The following CRTC3 variants were observed in gnomAD, a reference collection of about 807,000 sequenced individuals.
The protein encoded by CRTC3 is CREB-regulated transcription coactivator 3.
In CRTC3, 26 loss-of-function variants were observed where a neutral mutation model predicts 74.5. The observed-to-expected ratio is 0.35, with a 90% CI of 0.26 to 0.48. CRTC3 has a LOEUF of 0.48. Among genes scored for constraint, CRTC3 ranks in the 20% least tolerant of loss-of-function variants. The pLI is 0.99. For missense variants in CRTC3, 760 were observed against 787.3 expected, an observed-to-expected ratio of 0.97 and a Z score of 0.41; for synonymous variants, 377 against 325.8, an observed-to-expected ratio of 1.16 and a Z score of -1.69.
At chr15:90,606,320 G>C (rs1345467134) in intron 5 of CRTC3, among the ~76,000 whole-genome samples, 1 of 152,068 alleles carries the variant, frequency 6.6e-6, no homozygotes, top group African/African-American at 2.4e-5. Flanking sequence ...CCAGCACTTT[G>C]GGAGGCTGAG....
intron 5 of CRTC3, among the ~76,000 whole-genome samples, chr15:90,606,431 G>C (rs576402722): frequency 3.3e-5 from 5 of 151,900 alleles, no homozygotes; most frequent in African/African-American, 1.2e-4. Context: ...GCATGGTGAC[G>C]CACGTCTATA....
At chr15:90,589,751 C>T (rs1967756045) in intron 2 of CRTC3, among the ~76,000 whole-genome samples, 1 of 152,204 alleles carries the variant, frequency 6.6e-6, no homozygotes, top group Non-Finnish European at 1.5e-5. Flanking sequence ...CTTTGGGAGG[C>T]CGAGGCATGT....
rs1353749989 is a variant in CRTC3, at chr15:90,614,589, C to G, written c.613+101C>G. 3.7e-6 allele frequency: 3 copies of G among 818,218 alleles called. No individual in the cohort carries two copies. The East Asian group carries it at 7.8e-5, about 21-fold the overall frequency. 50.7% of individuals were successfully genotyped at this position (818,218 alleles called of 1,614,324 possible). On this transcript the variant is annotated intron_variant, in intron 7 of 14. Coordinates refer to ENST00000268184, the MANE Select transcript of CRTC3 (RefSeq NM_022769.5). ...ATAAATATTCATGTTTTCAGGACTCCCCCAAATGCTGACAACTGCTGATTG... is the reference window on the plus strand; with the variant it reads ...ATAAATATTCATGTTTTCAGGACTCGCCCAAATGCTGACAACTGCTGATTG...
intron 2 of CRTC3, among the ~76,000 whole-genome samples, chr15:90,550,444 G>T (rs4288973): frequency 5.5e-5 from 8 of 145,702 alleles, no homozygotes; most frequent in Non-Finnish European, 9.0e-5. Context: ...ATTTTCCTTT[G>T]CCTGTTTTTT....
intron 1 of CRTC3, among the ~76,000 whole-genome samples, chr15:90,539,302 C>T (rs1966767583): frequency 6.6e-6 from 1 of 152,162 alleles, no homozygotes; most frequent in Admixed American, 6.5e-5. Flanking sequence ...CAAAGAAAAG[C>T]ATATTAAAAT....
intron 2 of CRTC3, among the ~76,000 whole-genome samples, chr15:90,545,763 A>G (rs544381639): frequency 5.5e-4 from 84 of 152,112 alleles, no homozygotes; most frequent in Middle Eastern, 3.4e-3. Context: ...TATTTTTAGT[A>G]GAGACGGGGT....
At chr15:90,589,147 C>T (rs1967738813) in intron 2 of CRTC3, among the ~76,000 whole-genome samples, 1 of 151,810 alleles carries the variant, frequency 6.6e-6, no homozygotes, top group South Asian at 2.1e-4. Flanking sequence ...ACCTCCGCCT[C>T]CCGGGTTCAA....
intron 7 of CRTC3, among the ~76,000 whole-genome samples, chr15:90,616,638 C>T (rs1310984626): frequency 6.6e-6 from 1 of 152,214 alleles, no homozygotes; most frequent in African/African-American, 2.4e-5. Flanking sequence ...GAATCCCCTT[C>T]CTGACATCAG....
chr15:90,583,404 G>T (rs1028664520), intron 2 of CRTC3, among the ~76,000 whole-genome samples: 1 of 152,128 alleles, frequency 6.6e-6, no homozygotes, highest in Non-Finnish European at 1.5e-5. Context: ...TTGGGTGCTG[G>T]TGCCTTCTCT....
chr15:90,546,834 A>G (rs1043922357), intron 2 of CRTC3, among the ~76,000 whole-genome samples: 14 of 152,298 alleles, frequency 9.2e-5, no homozygotes, highest in Admixed American at 2.0e-4. Context: ...TGTGTTAGCC[A>G]GGATGGTCTC....
At chr15:90,556,958 C>CTATATATA (rs6145675) in intron 2 of CRTC3, among the ~76,000 whole-genome samples, 198 of 130,430 alleles carry the variant, frequency 1.5e-3, no homozygotes, top group South Asian at 1.9e-3. Flanking sequence ...CACCACATGG[C>CTATATATA]TATATATATA....
intron 14 of CRTC3, 107 bp from the exon 15 acceptor site, chr15:90,641,825 G>A (rs879352664): frequency 3.2e-5 from 27 of 850,238 alleles, no homozygotes; most frequent in Non-Finnish European, 4.3e-5. Context: ...TGGTCAGGAT[G>A]TGTGGGATAG....
chr15:90,531,478 T>C (rs1298992811), intron 1 of CRTC3, among the ~76,000 whole-genome samples: 1 of 152,206 alleles, frequency 6.6e-6, no homozygotes, highest in African/African-American at 2.4e-5. Context: ...TGGTGTTTTC[T>C]TTCAGTGAAG....
intron 3 of CRTC3, among the ~76,000 whole-genome samples, chr15:90,597,343 C>G (rs1329139590): frequency 6.7e-6 from 1 of 148,834 alleles, no homozygotes; most frequent in Non-Finnish European, 1.5e-5. Flanking sequence ...ATTTTCTCAG[C>G]CTTGTGGATG....
intron 2 of CRTC3, among the ~76,000 whole-genome samples, chr15:90,551,666 C>G (rs1966856880): frequency 6.6e-6 from 1 of 152,110 alleles, no homozygotes; most frequent in South Asian, 2.1e-4. Flanking sequence ...GGTGATCTTC[C>G]CTTCCCTGCT....
At position 90,593,698 on chromosome 15, in the gene CRTC3, A is replaced by T. The variant is rs909163356; in HGVS notation, c.294A>T (p.Pro98=). The T allele has an allele frequency of 6.2e-6, 10 of 1,612,626 alleles. No individual in the cohort carries two copies. The highest frequency in any genetic ancestry group is 8.5e-6 in the Non-Finnish European group (10 of 1,178,718). ...GCCATCACGGGCTGGTGGAGAGGCC[A>T]TCCAGGAACCGCTTCCACCCCCTCC... ...GTRHHGLVER[P]SRNRFHPLHR... The change falls in exon 3 of 15, where the codon CCA becomes CCT. Residue 98 remains proline (P), a synonymous_variant. Transcript: ENST00000268184.
chr15:90,573,165 G>T (rs916896373), intron 2 of CRTC3, among the ~76,000 whole-genome samples: 1 of 152,046 alleles, frequency 6.6e-6, no homozygotes, highest in African/African-American at 2.4e-5. Flanking sequence ...TTGTCTTTTT[G>T]TACCAGCTTA....
chr15:90,585,889 G>A (rs79045859), intron 2 of CRTC3, among the ~76,000 whole-genome samples: 6,110 of 152,138 alleles, frequency 0.04, 401 homozygotes, highest in African/African-American at 0.14. Context: ...CTGTCCTCTG[G>A]GGTTCTTATC....
intron 3 of CRTC3, chr15:90,598,541 G>A (rs1047594037): frequency 1.4e-6 from 1 of 702,228 alleles, no homozygotes; most frequent in African/African-American, 1.7e-5. Context: ...GGCTTGGGGA[G>A]AGAGAGAACA....
Sources: gnomAD v4.1 joint callset for allele counts (sites outside exome capture counted in the v4.1 genomes callset) on GRCh38, gnomAD v4.1.1 for gene constraint, MANE v1.5 for transcripts, NCBI Gene and HGNC (gene_info 2026-07-23, HGNC 2026-07-21) for gene names.